Variants in COL5A2 observed in about 807,000 individuals in gnomAD.
COL5A2 encodes collagen alpha-2(V) chain.
COL5A2 carries 23 observed loss-of-function variants against 208.2 expected under a neutral mutation model. The observed-to-expected ratio is 0.11, with a 90% CI of 0.08 to 0.16. COL5A2 has a LOEUF of 0.16. Ranked by LOEUF, COL5A2 falls within the 10% of genes least tolerant of loss-of-function variation. The probability of loss-of-function intolerance (pLI) is 1.00; values close to 1 mark genes in which losing one functional copy is unlikely to be tolerated. For missense variants in COL5A2, 1,590 were observed against 1,956.4 expected, an observed-to-expected ratio of 0.81 and a Z score of 3.53; for synonymous variants, 625 against 628.5, an observed-to-expected ratio of 0.99 and a Z score of 0.08.
chr2:189,248,924 C>G, the COL5A2 span, among the ~76,000 whole-genome samples: 1 of 152,016 alleles, frequency 6.6e-6, no homozygotes, highest in African/African-American at 2.4e-5. Context: ...TTGTGGCTAT[C>G]TTAAGAGATA....
At chr2:189,036,142 A>G (rs985825344) in intron 52 of COL5A2, among the ~76,000 whole-genome samples, 3 of 152,146 alleles carry the variant, frequency 2.0e-5, no homozygotes, top group Non-Finnish European at 2.9e-5. Context: ...CATGGAAACT[A>G]TGGAATAAAT....
the COL5A2 span, among the ~76,000 whole-genome samples, chr2:189,432,920 C>A: frequency 1.3e-5 from 2 of 152,132 alleles, no homozygotes; most frequent in Admixed American, 1.3e-4. Context: ...AAATTGACCA[C>A]ATAATTGGAA....
chr2:189,317,517 C>T, the COL5A2 span, among the ~76,000 whole-genome samples: 2 of 152,108 alleles, frequency 1.3e-5, no homozygotes, highest in Non-Finnish European at 2.9e-5. Flanking sequence ...AGAATCCATG[C>T]TTCTAATCAC....
At chr2:189,352,900 T>G in the COL5A2 span, among the ~76,000 whole-genome samples, 1 of 152,224 alleles carries the variant, frequency 6.6e-6, no homozygotes, top group Non-Finnish European at 1.5e-5. Context: ...TAGGTTTTCT[T>G]CTGGGGTTTT....
chr2:189,188,075 G>T (rs964781861), intron 1 of COL5A2, among the ~76,000 whole-genome samples: 4 of 151,960 alleles, frequency 2.6e-5, no homozygotes, highest in Non-Finnish European at 5.9e-5. Flanking sequence ...CTCTCATTCT[G>T]CTGTGTTTTT....
At chr2:189,160,275 T>G (rs925759621) in intron 1 of COL5A2, among the ~76,000 whole-genome samples, 13 of 152,308 alleles carry the variant, frequency 8.5e-5, no homozygotes, top group African/African-American at 3.1e-4. Context: ...ATACTACTTA[T>G]ATGTAGTGTG....
chr2:189,384,491 C>T, the COL5A2 span, among the ~76,000 whole-genome samples: 3 of 152,036 alleles, frequency 2.0e-5, no homozygotes, highest in Non-Finnish European at 4.4e-5. Context: ...TTGATGTGCA[C>T]TTCTCTGATG....
At chr2:189,070,425 C>T (rs1686248850) in intron 18 of COL5A2, among the ~76,000 whole-genome samples, 2 of 152,266 alleles carry the variant, frequency 1.3e-5, no homozygotes, top group Middle Eastern at 3.4e-3. Flanking sequence ...AAGCAGGATC[C>T]TGTCCAAAAA....
intron 1 of COL5A2, among the ~76,000 whole-genome samples, chr2:189,169,775 G>T (rs549155025): frequency 6.6e-6 from 1 of 152,154 alleles, no homozygotes; most frequent in South Asian, 2.1e-4. Flanking sequence ...GCAATGGCGC[G>T]ATCTCAGCTC....
chr2:189,325,914 T>C, the COL5A2 span, among the ~76,000 whole-genome samples: 1 of 152,054 alleles, frequency 6.6e-6, no homozygotes, highest in East Asian at 1.9e-4. Context: ...CTGGTCAACA[T>C]GGTGAAACCC....
At chr2:189,293,730 G>C in the COL5A2 span, among the ~76,000 whole-genome samples, 4 of 152,108 alleles carry the variant, frequency 2.6e-5, no homozygotes, top group African/African-American at 9.7e-5. Context: ...TGAATTTACT[G>C]GTGCCTTTTC....
At chr2:189,368,445 G>A in the COL5A2 span, among the ~76,000 whole-genome samples, 1 of 151,684 alleles carries the variant, frequency 6.6e-6, no homozygotes, top group African/African-American at 2.4e-5. Flanking sequence ...GTTTTCCAAG[G>A]GGGAAAAAAA....
chr2:189,272,793 T>C, the COL5A2 span, among the ~76,000 whole-genome samples: 1 of 152,168 alleles, frequency 6.6e-6, no homozygotes, highest in Non-Finnish European at 1.5e-5. Flanking sequence ...ATGAAATTCA[T>C]GAAAGCTCTG....
chr2:189,139,036 A>G lies in COL5A2; in HGVS notation c.98-28587T>C, dbSNP rs1216510073. Among the ~76,000 whole-genome samples, 7 of 152,156 alleles carry G rather than the reference A, an allele frequency of 4.6e-5. No homozygotes were observed. The East Asian group carries it at 1.3e-3, about 29-fold the overall frequency. On this transcript the variant is annotated intron_variant, in intron 1 of 53. Coordinates refer to ENST00000374866, the MANE Select transcript of COL5A2 (RefSeq NM_000393.5). ...TATGTACATAGTGGCTTCCTTCCAA[A>G]GGGTACAGAATGGAAAAGGGAGGAA...
At chr2:189,411,231 T>C in the COL5A2 span, among the ~76,000 whole-genome samples, 3 of 152,288 alleles carry the variant, frequency 2.0e-5, no homozygotes, top group South Asian at 2.1e-4. Context: ...CTCAGAAATA[T>C]AGATTGGCTC....
chr2:189,311,487 C>A, the COL5A2 span: 1 of 1,053,164 alleles, frequency 9.5e-7, no homozygotes, highest in Non-Finnish European at 1.4e-6. Context: ...TGGTGCTGTC[C>A]CTCTGCCCGA....
rs1688747585 is a variant in COL5A2 at position 189,179,646 on chromosome 2, T to C, written c.-42A>G. On this transcript the variant is annotated 5_prime_UTR_variant, in exon 1 of 54. Coordinates refer to ENST00000374866, the MANE Select transcript of COL5A2 (RefSeq NM_000393.5). Reference sequence around the variant, plus strand: ...TGTGGGTTCTCCTGAGAGTGAAAAGTAGATTCTGAGGTTATTGTAGCACCA... The same window carrying C: ...TGTGGGTTCTCCTGAGAGTGAAAAGCAGATTCTGAGGTTATTGTAGCACCA... 2.5e-6 allele frequency: 4 copies of C among 1,569,468 alleles called. No homozygotes were observed. Among genetic ancestry groups the C allele is most frequent in the South Asian group, 2.3e-5 (2 of 86,314 alleles).
At chr2:189,238,182 AAT>A in the COL5A2 span, among the ~76,000 whole-genome samples, 15 of 149,928 alleles carry the variant, frequency 1.0e-4, no homozygotes, top group Admixed American at 8.5e-4. Flanking sequence ...AAATGTGATA[AAT>A]ATGTCATAAA....
chr2:189,389,801 T>C, the COL5A2 span, among the ~76,000 whole-genome samples: 1 of 152,198 alleles, frequency 6.6e-6, no homozygotes, highest in African/African-American at 2.4e-5. Flanking sequence ...CAATATAAAC[T>C]GAAGATCACT....
Sources: allele counts gnomAD v4.1 joint callset (sites outside exome capture counted in the v4.1 genomes callset), GRCh38; gene constraint gnomAD v4.1.1; transcripts MANE v1.5; gene names NCBI Gene and HGNC (gene_info 2026-07-23, HGNC 2026-07-21).